Variants in AVL9 observed in about 807,000 individuals in gnomAD.
The protein encoded by AVL9 is late secretory pathway protein AVL9 homolog.
In AVL9, 49 loss-of-function variants were observed where a neutral mutation model predicts 79.2. The ratio of observed to expected loss-of-function variants is 0.62; its 90% confidence interval spans 0.49 to 0.79. The LOEUF (loss-of-function observed/expected upper bound fraction) is 0.79, where lower values mean the gene tolerates loss of function less well. Ranked by LOEUF, AVL9 falls within the 30% of genes least tolerant of loss-of-function variation. The probability of loss-of-function intolerance (pLI) is 0.00; values close to 1 mark genes in which losing one functional copy is unlikely to be tolerated. For missense variants in AVL9, 682 were observed against 776.8 expected, an observed-to-expected ratio of 0.88 and a Z score of 1.45; for synonymous variants, 299 against 280.6, an observed-to-expected ratio of 1.07 and a Z score of -0.65.
chr7:32,529,043 A>G (rs1788525538), intron 1 of AVL9, among the ~76,000 whole-genome samples: 1 of 152,184 alleles, frequency 6.6e-6, no homozygotes, highest in African/African-American at 2.4e-5. Flanking sequence ...TATACTAAGC[A>G]TTGTGTTAGT....
chr7:32,526,573 C>T (rs968085961), intron 1 of AVL9, among the ~76,000 whole-genome samples: 2 of 152,174 alleles, frequency 1.3e-5, no homozygotes, highest in African/African-American at 4.8e-5. Flanking sequence ...ATGTCAGGCT[C>T]CTGGGTTCCC....
In AVL9 at chr7:32,573,520, T is replaced by C. The variant is rs971164579; in HGVS notation, c.1570+102T>C. 3.6e-5 allele frequency: 38 copies of C among 1,043,312 alleles called. No individual in the cohort carries two copies. The Middle Eastern group carries it at 1.3e-3, about 35-fold the overall frequency. 64.6% of individuals were successfully genotyped at this position (1,043,312 alleles called of 1,614,324 possible). ...TTGCACAATAAATACATATTCCTTATAGAAAAATTACCAGTTATTCCCTCA... is the reference window on the plus strand; with the variant it reads ...TTGCACAATAAATACATATTCCTTACAGAAAAATTACCAGTTATTCCCTCA... On this transcript the variant is annotated intron_variant, in intron 12 of 15. Transcript: ENST00000318709.
chr7:32,507,334 A>G (rs762952499), intron 1 of AVL9, among the ~76,000 whole-genome samples: 9 of 151,502 alleles, frequency 5.9e-5, no homozygotes, highest in Non-Finnish European at 7.4e-5. Context: ...ATTGATCACA[A>G]TTGTGTGTAA....
At position 32,585,870 on chromosome 7, in the gene AVL9, G is replaced by T. The variant is rs1168639555; in HGVS notation, c.*1963G>T. ...CAAACAAAAACCTTAAACAGTACTT[G>T]AATCTTTTTTGCGCTGAGACTATAA... On this transcript the variant is annotated 3_prime_UTR_variant, in exon 16 of 16. Coordinates refer to ENST00000318709, the MANE Select transcript of AVL9 (RefSeq NM_015060.3). 1 of 152,222 alleles carries T rather than the reference G, an allele frequency of 6.6e-6. No homozygotes were observed. The highest frequency in any genetic ancestry group is 1.9e-4 in the East Asian group (1 of 5,204). 9.4% of individuals were successfully genotyped at this position (152,222 alleles called of 1,614,324 possible).
intron 1 of AVL9, among the ~76,000 whole-genome samples, chr7:32,502,376 G>A (rs1787165830): frequency 1.2e-5 from 1 of 81,538 alleles, no homozygotes; most frequent in African/African-American, 4.6e-5. Flanking sequence ...CTGGGTGAGA[G>A]AGTAAAACCC....
chr7:32,535,907 G>A (rs928489209), intron 1 of AVL9: 1 of 152,072 alleles, frequency 6.6e-6, no homozygotes, highest in African/African-American at 2.4e-5. Context: ...GAGATCTGAT[G>A]GTTTTATAAA....
intron 3 of AVL9, among the ~76,000 whole-genome samples, chr7:32,546,067 GAC>G: frequency 4.1e-5 from 2 of 49,152 alleles, no homozygotes; most frequent in Non-Finnish European, 4.4e-5. Context: ...ATTACCTGGA[GAC>G]TTTTTTTTTT....
chr7:32,503,833 C>T (rs1057485439), intron 1 of AVL9, among the ~76,000 whole-genome samples: 4 of 152,082 alleles, frequency 2.6e-5, no homozygotes, highest in Non-Finnish European at 5.9e-5. Context: ...CAGGTGTGCA[C>T]CACCACACCC....
rs181421247 is a variant in AVL9 at position 32,560,758 on chromosome 7, A to G, written c.1215+1294A>G. Among the ~76,000 whole-genome samples, 4 of 152,364 alleles carry G rather than the reference A, an allele frequency of 2.6e-5. No homozygotes were observed. In the East Asian group the frequency reaches 7.7e-4, roughly 29 times the overall value. ...GCCCAGATCCATCAAAGGAATCACT[A>G]TCCATGGCAGCTATAGCCTTATGAA... On this transcript the variant is annotated intron_variant, in intron 10 of 15. Transcript: ENST00000318709.
intron 1 of AVL9, among the ~76,000 whole-genome samples, chr7:32,498,237 A>ATTTTTTT (rs10547851): frequency 2.1e-4 from 19 of 89,816 alleles, no homozygotes; most frequent in East Asian, 1.1e-3. Context: ...AAGTCCTCAG[A>ATTTTTTT]TTTTTTTTTT....
At position 32,559,472 on chromosome 7, in the gene AVL9, G is replaced by C; in HGVS notation, c.1215+8G>C. 1 of 1,507,138 alleles carries C rather than the reference G, an allele frequency of 6.6e-7. No individual in the cohort carries two copies. The highest frequency in any genetic ancestry group is 8.9e-7 in the Non-Finnish European group (1 of 1,128,358). The allele number at this position is 1,507,138 out of a possible 1,614,324, so 93.4% of individuals were successfully genotyped here. On this transcript the variant is annotated splice_region_variant and intron_variant, in intron 10 of 15. Transcript: ENST00000318709. ...CTGGCCATCTTCACAAAGGTAAAGTGTAATATTTTTTATCGAATTCCTTAA... is the reference window on the plus strand; with the variant it reads ...CTGGCCATCTTCACAAAGGTAAAGTCTAATATTTTTTATCGAATTCCTTAA...
At chr7:32,564,024 C>T (rs1014340659) in intron 10 of AVL9, among the ~76,000 whole-genome samples, 3 of 152,110 alleles carry the variant, frequency 2.0e-5, no homozygotes, top group Non-Finnish European at 2.9e-5. Flanking sequence ...CCTTTCGGAG[C>T]CCTGACTTTG....
At chr7:32,544,665 C>G in intron 2 of AVL9, 29 bp from the exon 3 acceptor site, 1 of 1,509,562 alleles carries the variant, frequency 6.6e-7, no homozygotes, top group Non-Finnish European at 9.2e-7. Context: ...ATTCACCTCA[C>G]TATTTACATT....
chr7:32,574,684 T>C (rs980849978), intron 12 of AVL9, among the ~76,000 whole-genome samples: 1 of 109,930 alleles, frequency 9.1e-6, no homozygotes, highest in African/African-American at 3.5e-5. Context: ...GACCTTGTCA[T>C]TGCCTTTTAC....
chr7:32,548,609 T>C (rs905839863), intron 3 of AVL9, among the ~76,000 whole-genome samples: 1 of 152,176 alleles, frequency 6.6e-6, no homozygotes, highest in Non-Finnish European at 1.5e-5. Context: ...ATAAATTCCT[T>C]GAGATTCGGG....
intron 12 of AVL9, among the ~76,000 whole-genome samples, chr7:32,574,846 A>G (rs939671022): frequency 1.3e-5 from 2 of 152,208 alleles, no homozygotes. Flanking sequence ...TCTTAGAACA[A>G]CTTCTTTATG....
intron 1 of AVL9, among the ~76,000 whole-genome samples, chr7:32,503,378 A>ACACACG (rs1787256771): frequency 7.2e-6 from 1 of 138,070 alleles, no homozygotes; most frequent in African/African-American, 2.9e-5. Flanking sequence ...ATATATACAC[A>ACACACG]CACACACACA....
intron 11 of AVL9, among the ~76,000 whole-genome samples, chr7:32,570,594 TTTG>T (rs1184088742): frequency 9.2e-5 from 14 of 152,144 alleles, no homozygotes; most frequent in Admixed American, 9.2e-4. Flanking sequence ...ATTCAAATCA[TTTG>T]TTATTTTACA....
intron 1 of AVL9, among the ~76,000 whole-genome samples, chr7:32,523,426 G>A (rs906862767): frequency 2.6e-5 from 4 of 151,052 alleles, no homozygotes; most frequent in African/African-American, 9.7e-5. Flanking sequence ...TTTTAACCAG[G>A]TAAGGTAAAA....
Sources: gnomAD v4.1 joint callset for allele counts (sites outside exome capture counted in the v4.1 genomes callset) on GRCh38, gnomAD v4.1.1 for gene constraint, MANE v1.5 for transcripts, NCBI Gene and HGNC (gene_info 2026-07-23, HGNC 2026-07-21) for gene names.